TMTC2: variants seen among roughly 807,000 people sequenced by gnomAD.
The protein encoded by TMTC2 is protein O-mannosyl-transferase TMTC2.
In TMTC2, 43 loss-of-function variants were observed where a neutral mutation model predicts 82.4. The observed-to-expected ratio is 0.52, with a 90% CI of 0.41 to 0.67. TMTC2 has a LOEUF of 0.67. TMTC2 is among the 30% of genes least tolerant of loss of function. The pLI is 0.00. For synonymous variants in TMTC2, 408 were observed against 381.9 expected, an observed-to-expected ratio of 1.07 and a Z score of -0.80; for missense variants, 919 against 1,012.4, an observed-to-expected ratio of 0.91 and a Z score of 1.25.
intron 4 of TMTC2, among the ~76,000 whole-genome samples, chr12:82,944,577 A>C (rs1221467610): frequency 1.3e-5 from 2 of 151,302 alleles, no homozygotes; most frequent in African/African-American, 4.9e-5. Flanking sequence ...AAAAAAAAAA[A>C]AAAAAGGAAA....
chr12:82,734,674 G>A (rs532057229), intron 1 of TMTC2, among the ~76,000 whole-genome samples: 1 of 152,134 alleles, frequency 6.6e-6, no homozygotes, highest in Non-Finnish European at 1.5e-5. Flanking sequence ...CAGAAGACAA[G>A]TACCAAAATC....
At chr12:82,850,899 A>G (rs1159831229) in intron 1 of TMTC2, among the ~76,000 whole-genome samples, 2 of 151,820 alleles carry the variant, frequency 1.3e-5, no homozygotes, top group Admixed American at 1.3e-4. Context: ...CCCCATCTCT[A>G]CTAAAAATAC....
chr12:82,881,420 T>A (rs1289160536), intron 2 of TMTC2, among the ~76,000 whole-genome samples: 3 of 152,186 alleles, frequency 2.0e-5, no homozygotes, highest in Non-Finnish European at 4.4e-5. Context: ...AAATTTCACA[T>A]TAAAAGAGGG....
At chr12:82,765,836 T>TCTATGTA (rs1876928146) in intron 1 of TMTC2, among the ~76,000 whole-genome samples, 1 of 152,172 alleles carries the variant, frequency 6.6e-6, no homozygotes, top group Non-Finnish European at 1.5e-5. Context: ...GAATGAAGAA[T>TCTATGTA]CTATGTATTA....
intron 1 of TMTC2, among the ~76,000 whole-genome samples, chr12:82,692,958 G>A (rs1409210573): frequency 6.6e-6 from 1 of 152,162 alleles, no homozygotes; most frequent in African/African-American, 2.4e-5. Flanking sequence ...ATTTGTATGT[G>A]CTTTTGAGGA....
At chr12:83,081,033 A>T (rs1883446658) in intron 11 of TMTC2, among the ~76,000 whole-genome samples, 1 of 152,216 alleles carries the variant, frequency 6.6e-6, no homozygotes, top group African/African-American at 2.4e-5. Flanking sequence ...ATCCTCTCAG[A>T]GACAGTAAAT....
intron 11 of TMTC2, among the ~76,000 whole-genome samples, chr12:83,114,095 T>G (rs1007444087): frequency 6.6e-6 from 1 of 151,970 alleles, no homozygotes; most frequent in Non-Finnish European, 1.5e-5. Context: ...GAAAAAAAAA[T>G]GTCTCACGCA....
At chr12:82,752,798 A>C (rs990864121) in intron 1 of TMTC2, among the ~76,000 whole-genome samples, 1 of 152,010 alleles carries the variant, frequency 6.6e-6, no homozygotes, top group Non-Finnish European at 1.5e-5. Context: ...TAAATAATCA[A>C]GATTTTTAGG....
intron 3 of TMTC2, among the ~76,000 whole-genome samples, chr12:82,925,010 T>C (rs1273833370): frequency 6.6e-6 from 1 of 152,176 alleles, no homozygotes; most frequent in East Asian, 1.9e-4. Context: ...TGACTGGTGT[T>C]GTTCCTGGAA....
chr12:82,897,165 G>A (rs1873729442), intron 3 of TMTC2, among the ~76,000 whole-genome samples: 1 of 152,132 alleles, frequency 6.6e-6, no homozygotes. Flanking sequence ...ATTCAGGTAT[G>A]AGTCACCTTT....
chr12:83,052,552 A>G (rs1051385122), intron 10 of TMTC2, among the ~76,000 whole-genome samples: 9 of 152,294 alleles, frequency 5.9e-5, no homozygotes, highest in African/African-American at 1.9e-4. Flanking sequence ...TGAATAAAAC[A>G]CTATGCTTTC....
At chr12:82,697,244 T>A (rs933982373) in intron 1 of TMTC2, among the ~76,000 whole-genome samples, 22 of 146,484 alleles carry the variant, frequency 1.5e-4, no homozygotes, top group Middle Eastern at 3.5e-3. Context: ...CTCAGGAGGC[T>A]GAGGCAGGGG....
intron 7 of TMTC2, among the ~76,000 whole-genome samples, chr12:82,967,525 T>G (rs1357504046): frequency 6.6e-6 from 1 of 152,086 alleles, no homozygotes; most frequent in Admixed American, 6.6e-5. Context: ...GGCCATGGAT[T>G]TTTCTGATTA....
intron 1 of TMTC2, among the ~76,000 whole-genome samples, chr12:82,801,883 T>G (rs1288513276): frequency 1.3e-5 from 2 of 152,014 alleles, no homozygotes; most frequent in Non-Finnish European, 2.9e-5. Flanking sequence ...TTGAGCTAGA[T>G]ACAGAGTGCT....
intron 2 of TMTC2, among the ~76,000 whole-genome samples, chr12:82,885,034 C>T (rs535796954): frequency 6.6e-6 from 1 of 152,052 alleles, no homozygotes; most frequent in South Asian, 2.1e-4. Context: ...GCTGGGACTA[C>T]AAGCACAAGC....
At position 82,747,876 on chromosome 12, in the gene TMTC2, A is replaced by C. The variant is rs147136632; in HGVS notation, c.83+60207A>C. On this transcript the variant is annotated intron_variant, in intron 1 of 11. Coordinates refer to ENST00000321196, the MANE Select transcript of TMTC2 (RefSeq NM_152588.3). Reference sequence around the variant, plus strand: ...AGAATCAGATTTGGTGATCATCCTGAATAATATAATAAACACCAGTTGGGC... The same window carrying C: ...AGAATCAGATTTGGTGATCATCCTGCATAATATAATAAACACCAGTTGGGC... 1.4e-3 allele frequency among the ~76,000 whole-genome samples: 209 copies of C among 152,330 alleles called. 1 individual carries two copies. The highest frequency in any genetic ancestry group is 4.9e-3 in the African/African-American group (203 of 41,586).
chr12:82,810,377 A>G (rs1879437058), intron 1 of TMTC2, among the ~76,000 whole-genome samples: 1 of 150,944 alleles, frequency 6.6e-6, no homozygotes, highest in African/African-American at 2.4e-5. Context: ...TTATTTTTAA[A>G]CAACAGAATT....
chr12:82,842,828 A>T lies in TMTC2; in HGVS notation c.84-14182A>T, dbSNP rs184972265. Among the ~76,000 whole-genome samples, 263 of 151,878 alleles carry T rather than the reference A, an allele frequency of 1.7e-3. 1 individual carries two copies. The highest frequency in any genetic ancestry group is 6.2e-3 in the African/African-American group (255 of 41,400). On this transcript the variant is annotated intron_variant, in intron 1 of 11. Transcript: ENST00000321196. ...TTCTGATGTCTCTGTGTGTGTCCAA[A>T]TTTTTTTTCTTGGACACCAGTCATG... is the stretch of plus-strand genomic sequence containing the variant.
intron 8 of TMTC2, among the ~76,000 whole-genome samples, chr12:83,016,434 G>C (rs909446209): frequency 2.0e-5 from 3 of 152,072 alleles, no homozygotes; most frequent in Admixed American, 1.3e-4. Flanking sequence ...CCTGCTTTCT[G>C]TTTTCTCCTT....
Sources: gnomAD v4.1 joint callset for allele counts (sites outside exome capture counted in the v4.1 genomes callset) on GRCh38, gnomAD v4.1.1 for gene constraint, MANE v1.5 for transcripts, NCBI Gene and HGNC (gene_info 2026-07-23, HGNC 2026-07-21) for gene names.